The following SH3KBP1 variants were observed in gnomAD, a reference collection of about 807,000 sequenced individuals.
SH3KBP1 encodes SH3 domain containing kinase binding protein 1, also known as SH3 domain-containing kinase-binding protein 1.
SH3KBP1 carries 8 observed loss-of-function variants against 50.1 expected under a neutral mutation model. The ratio of observed to expected loss-of-function variants is 0.16; its 90% CI spans 0.09 to 0.29. The LOEUF (loss-of-function observed/expected upper bound fraction) is 0.29. SH3KBP1 is among the 10% of genes least tolerant of loss of function. The pLI is 1.00. For missense variants in SH3KBP1, 377 were observed against 535.2 expected, an observed-to-expected ratio of 0.70 and a Z score of 2.92; for synonymous variants, 227 against 218.6, an observed-to-expected ratio of 1.04 and a Z score of -0.34.
At chrX:19,612,558 G>A (rs1048295925) in intron 8 of SH3KBP1, among the ~76,000 whole-genome samples, 1 of 112,011 alleles carries the variant, frequency 8.9e-6, no homozygotes, top group Admixed American at 9.5e-5. Flanking sequence ...GAGCCACAGC[G>A]CCTGGCCTCA....
intron 12 of SH3KBP1, among the ~76,000 whole-genome samples, chrX:19,581,707 A>ATCTGCCCTTCCC (rs2066378254): frequency 9.0e-6 from 1 of 110,589 alleles, no homozygotes; most frequent in African/African-American, 3.3e-5. Flanking sequence ...CAAGAGAGAC[A>ATCTGCCCTTCCC]TCTGCCCTTC....
chrX:19,725,120 C>T (rs1191653924), intron 3 of SH3KBP1, among the ~76,000 whole-genome samples: 3 of 110,078 alleles, frequency 2.7e-5, no homozygotes, highest in African/African-American at 6.6e-5. Context: ...CCCAAAGTGT[C>T]GATGGGAGGA....
At position 19,887,328 on chromosome X, in the gene SH3KBP1, G is replaced by A. The variant is rs1256653647; in HGVS notation, c.-18C>T. ...TCACCCATTGGCGTCGAGCCGGGCCGGGCCGCCGAGGCAGCGTGAAAGTTG... is the reference window on the plus strand; with the variant it reads ...TCACCCATTGGCGTCGAGCCGGGCCAGGCCGCCGAGGCAGCGTGAAAGTTG... On this transcript the variant is annotated 5_prime_UTR_variant, in exon 1 of 18. Coordinates refer to ENST00000397821, the MANE Select transcript of SH3KBP1 (RefSeq NM_031892.3). The A allele has an allele frequency of 3.1e-6, 3 of 974,822 alleles. No homozygotes were observed. The highest frequency in any genetic ancestry group is 4.6e-5 in the Admixed American group (1 of 21,535). 80.3% of individuals were successfully genotyped at this position (974,822 alleles called of 1,213,427 possible). A position where few individuals can be genotyped will look rare whatever the true frequency, so the allele number is the denominator to read the frequency against.
At chrX:19,561,036 T>C (rs1276428304) in intron 13 of SH3KBP1, among the ~76,000 whole-genome samples, 5 of 95,316 alleles carry the variant, frequency 5.2e-5, no homozygotes, top group African/African-American at 2.1e-4. Context: ...ACTGTGCCAC[T>C]GCACTCCAGC....
intron 3 of SH3KBP1, among the ~76,000 whole-genome samples, chrX:19,744,806 C>T (rs2064869830): frequency 8.9e-6 from 1 of 112,391 alleles, no homozygotes; most frequent in African/African-American, 3.2e-5. Flanking sequence ...TCTATTCCTT[C>T]GTTGATTTAA....
chrX:19,716,824 G>A (rs2063923320), intron 3 of SH3KBP1, among the ~76,000 whole-genome samples: 1 of 111,245 alleles, frequency 9.0e-6, no homozygotes, highest in Non-Finnish European at 1.9e-5. Flanking sequence ...GGTTAAATAA[G>A]TTGTGGTCTT....
intron 6 of SH3KBP1, among the ~76,000 whole-genome samples, chrX:19,678,041 C>G (rs998940244): frequency 2.7e-5 from 3 of 111,819 alleles, no homozygotes; most frequent in African/African-American, 9.8e-5. Context: ...TCACATTGGC[C>G]TGAGTTAGTC....
chrX:19,831,665 C>G (rs747470152), intron 2 of SH3KBP1, among the ~76,000 whole-genome samples: 4 of 106,988 alleles, frequency 3.7e-5, no homozygotes, highest in Non-Finnish European at 7.7e-5. Context: ...GTGGCACATG[C>G]CTGTAATCAC....
At chrX:19,718,139 TACACACACACACACACAC>T (rs35514461) in intron 3 of SH3KBP1, among the ~76,000 whole-genome samples, 1 of 91,076 alleles carries the variant, frequency 1.1e-5, no homozygotes, top group Non-Finnish European at 2.2e-5. Context: ...ATTTTATAAA[TACACACACACACACACAC>T]ACACACACAC....
chrX:19,776,692 C>T (rs964479186), intron 2 of SH3KBP1, among the ~76,000 whole-genome samples: 3 of 107,495 alleles, frequency 2.8e-5, no homozygotes, highest in East Asian at 5.8e-4. Flanking sequence ...GGACCACAAG[C>T]GCACACCACC....
intron 3 of SH3KBP1, among the ~76,000 whole-genome samples, chrX:19,708,035 A>T (rs995719628): frequency 8.8e-6 from 1 of 113,099 alleles, no homozygotes; most frequent in Non-Finnish European, 1.9e-5. Context: ...CACATTTAGA[A>T]ATGCTTAAAT....
intron 8 of SH3KBP1, among the ~76,000 whole-genome samples, chrX:19,612,915 C>A (rs759924063): frequency 1.4e-4 from 16 of 111,812 alleles, no homozygotes; most frequent in Non-Finnish European, 2.3e-4. Flanking sequence ...ACTTGCTGAG[C>A]GTAAAGGAAG....
At chrX:19,740,711 A>G (rs1225486414) in intron 3 of SH3KBP1, 17 of 295,959 alleles carry the variant, frequency 5.7e-5, no homozygotes, top group Non-Finnish European at 1.0e-4. Context: ...TAAACAACAA[A>G]CCACTGGCAA....
intron 3 of SH3KBP1, among the ~76,000 whole-genome samples, chrX:19,707,346 T>C (rs1250063467): frequency 8.9e-6 from 1 of 112,022 alleles, no homozygotes; most frequent in Non-Finnish European, 1.9e-5. Flanking sequence ...TGATGTGATG[T>C]GGTAGAGAAA....
At chrX:19,822,976 G>T (rs1278644268) in intron 2 of SH3KBP1, among the ~76,000 whole-genome samples, 2 of 112,283 alleles carry the variant, frequency 1.8e-5, no homozygotes, top group Non-Finnish European at 3.8e-5. Context: ...TGGCATGTTT[G>T]TTCTAGTCAG....
chrX:19,650,305 T>C (rs1191068983), intron 6 of SH3KBP1, among the ~76,000 whole-genome samples: 1 of 112,561 alleles, frequency 8.9e-6, no homozygotes, highest in Non-Finnish European at 1.9e-5. Context: ...AGAGGTTTAA[T>C]TGACTCACAG....
rs190069459 is a variant in SH3KBP1 at position 19,743,316 on chromosome X, G to C, written c.286+3002C>G. On this transcript the variant is annotated intron_variant, in intron 3 of 17. Transcript: ENST00000397821. ...CCAGCTACTCAGGAGGCTGAGGTGGGAGGATCACCTGAGCCTGGGGAGGTC... is the reference window on the plus strand; with the variant it reads ...CCAGCTACTCAGGAGGCTGAGGTGGCAGGATCACCTGAGCCTGGGGAGGTC... 7.8e-3 allele frequency among the ~76,000 whole-genome samples: 860 copies of C among 110,546 alleles called. 9 individuals carry two copies. The highest frequency in any genetic ancestry group is 0.027 in the African/African-American group (806 of 30,309).
chrX:19,696,702 G>A (rs1301037346), intron 4 of SH3KBP1, among the ~76,000 whole-genome samples: 1 of 111,725 alleles, frequency 9.0e-6, no homozygotes, highest in Non-Finnish European at 1.9e-5. Flanking sequence ...TAGTACAGCA[G>A]AAGTCAGAAT....
Position 19,746,301 on chromosome X carries a change from T to C in SH3KBP1, c.286+17A>G, listed in dbSNP as rs373763614. The C allele has an allele frequency of 2.5e-6, 3 of 1,209,471 alleles. No homozygotes were observed. Among genetic ancestry groups the C allele is most frequent in the Non-Finnish European group, 3.4e-6 (3 of 894,414 alleles). On this transcript the variant is annotated intron_variant, in intron 3 of 17. Transcript: ENST00000397821. ...TGTTTGTGTGCAGGGAGGGAACCTC[T>C]TTTTCCTTTTCCATACCTCTCTTAT...
Sources: allele counts gnomAD v4.1 joint callset (sites outside exome capture counted in the v4.1 genomes callset), GRCh38; gene constraint gnomAD v4.1.1; transcripts MANE v1.5; gene names NCBI Gene and HGNC (gene_info 2026-07-23, HGNC 2026-07-21).